The following PTBP2 variants were observed in gnomAD, a reference collection of about 807,000 sequenced individuals.
PTBP2 encodes the protein polypyrimidine tract binding protein 2.
PTBP2 carries 13 observed loss-of-function variants against 61.4 expected under a neutral mutation model. The ratio of observed to expected loss-of-function variants is 0.21; its 90% CI spans 0.14 to 0.34. The LOEUF (loss-of-function observed/expected upper bound fraction) is 0.34, where lower values mean the gene tolerates loss of function less well. PTBP2 is among the 10% of genes least tolerant of loss of function. The pLI, the probability that PTBP2 is intolerant of heterozygous loss-of-function variation, is 1.00. For synonymous variants in PTBP2, 215 were observed against 218.5 expected (o/e 0.98, Z 0.14); for missense variants, 405 against 642.6 (o/e 0.63, Z 4.00).
At chr1:96,788,225 T>A (rs1659415213) in intron 8 of PTBP2, among the ~76,000 whole-genome samples, 1 of 152,120 alleles carries the variant, frequency 6.6e-6, no homozygotes, top group South Asian at 2.1e-4. Flanking sequence ...ATAAAATGCA[T>A]AGTAAGGATA....
chr1:96,782,643 T>G (rs1385651076), intron 7 of PTBP2, among the ~76,000 whole-genome samples: 1 of 152,008 alleles, frequency 6.6e-6, no homozygotes, highest in East Asian at 1.9e-4. Context: ...TTTGTGTTGT[T>G]GATTTTGATA....
At chr1:96,760,652 G>A (rs1174619040) in intron 3 of PTBP2, among the ~76,000 whole-genome samples, 1 of 151,926 alleles carries the variant, frequency 6.6e-6, no homozygotes, top group African/African-American at 2.4e-5. Flanking sequence ...TCGCCATGTT[G>A]GCCAGGATGG....
chr1:96,738,433 C>G (rs1389850069), intron 2 of PTBP2, among the ~76,000 whole-genome samples: 2 of 152,062 alleles, frequency 1.3e-5, no homozygotes, highest in African/African-American at 2.4e-5. Flanking sequence ...GCCACCACAC[C>G]TGGCTAATTT....
In PTBP2 at chr1:96,759,089, T is replaced by C. The variant is rs192237362; in HGVS notation, c.115+7589T>C. On this transcript the variant is annotated intron_variant, in intron 3 of 13. Coordinates refer to ENST00000674951, the MANE Select transcript of PTBP2 (RefSeq NM_021190.4). Reference sequence around the variant, plus strand: ...CAGGAAAAAAATTTGACAAAAGATATGTAAGACATCTACACCAATATGAAA... The same window carrying C: ...CAGGAAAAAAATTTGACAAAAGATACGTAAGACATCTACACCAATATGAAA... Among the ~76,000 whole-genome samples, 50 of 151,598 alleles carry C rather than the reference T, an allele frequency of 3.3e-4. 1 individual carries two copies. In the East Asian group the frequency reaches 5.0e-3, roughly 15 times the overall value.
intron 2 of PTBP2, among the ~76,000 whole-genome samples, chr1:96,747,659 A>G (rs1309754583): frequency 1.3e-5 from 2 of 152,142 alleles, no homozygotes; most frequent in Admixed American, 6.5e-5. Flanking sequence ...GGTGGCATAA[A>G]TAAAAGAGTT....
Position 96,777,738 on chromosome 1 carries a change from G to A in PTBP2, c.586G>A (p.Val196Ile). Residue 196 changes from valine to isoleucine, a missense_variant, in exon 6 of 14, where the codon GTT becomes ATT. By Grantham distance (29) the Val-to-Ile change is conservative. This residue lies in a region of PTBP2 where 342 missense variants were observed against 491.2 expected (regional missense o/e 0.70). Transcript: ENST00000674951. ...CATGTACTACCCTGTAACACTTGAT[G>A]TTCTTCACCAAGTAAGTTTAATCTG... ...DNMYYPVTLD[V>I]LHQIFSKFGA... 1 of 1,598,034 alleles carries A rather than the reference G, an allele frequency of 6.3e-7. No homozygotes were observed. The highest frequency in any genetic ancestry group is 8.5e-7 in the Non-Finnish European group (1 of 1,171,746).
intron 3 of PTBP2, among the ~76,000 whole-genome samples, chr1:96,763,227 G>A (rs1656228459): frequency 2.6e-5 from 4 of 152,114 alleles, no homozygotes; most frequent in South Asian, 2.1e-4. Flanking sequence ...CAAGGCAGGC[G>A]GCTGGGAGGT....
At chr1:96,766,088 T>G (rs961910172) in intron 3 of PTBP2, among the ~76,000 whole-genome samples, 1 of 152,088 alleles carries the variant, frequency 6.6e-6, no homozygotes, top group East Asian at 1.9e-4. Flanking sequence ...AGGAGAAAAG[T>G]GATGTACTGA....
At chr1:96,760,069 C>T (rs932830081) in intron 3 of PTBP2, among the ~76,000 whole-genome samples, 1 of 152,084 alleles carries the variant, frequency 6.6e-6, no homozygotes, top group African/African-American at 2.4e-5. Context: ...TCAGTTAACT[C>T]CCACCAGGTC....
intron 5 of PTBP2, among the ~76,000 whole-genome samples, chr1:96,773,917 C>T (rs184520888): frequency 2.7e-4 from 40 of 149,008 alleles, no homozygotes; most frequent in East Asian, 1.2e-3. Flanking sequence ...GAGCCGAGAT[C>T]GCGCCACTGC....
chr1:96,734,193 C>G (rs1356965589), intron 2 of PTBP2, among the ~76,000 whole-genome samples: 1 of 151,940 alleles, frequency 6.6e-6, no homozygotes, highest in Non-Finnish European at 1.5e-5. Context: ...TCATTCAGTC[C>G]CCAAAACCAT....
At chr1:96,728,045 A>T (rs370462852) in intron 2 of PTBP2, among the ~76,000 whole-genome samples, 1 of 152,090 alleles carries the variant, frequency 6.6e-6, no homozygotes, top group South Asian at 2.1e-4. Flanking sequence ...GCTGGAGTGC[A>T]GTGGTGCAAT....
rs57451223 is a variant in PTBP2 at position 96,761,346 on chromosome 1, A to ATGTGTGTGTGTGTG, written c.116-8327_116-8314dup. On this transcript the variant is annotated intron_variant, in intron 3 of 13. Transcript: ENST00000674951. The stretch of plus-strand genomic sequence containing the variant: ...AGCAGGGGCCTAGATGTGGGATTTG[A>ATGTGTGTGTGTGTG]TGTGTGTGTGTGTGTGTGTGTGTGT... Among the ~76,000 whole-genome samples, 600 of 140,548 alleles carry ATGTGTGTGTGTGTG rather than the reference A, an allele frequency of 4.3e-3. 6 individuals are homozygous for ATGTGTGTGTGTGTG. The highest frequency in any genetic ancestry group is 0.014 in the African/African-American group (545 of 37,942). The allele number at this position is 140,548 out of a possible 152,430, so 92.2% of individuals were successfully genotyped here.
Position 96,813,612 on chromosome 1 carries a change from G to A in PTBP2, c.*207G>A, listed in dbSNP as rs978537140. ...AGTTGTTAACTGCTATATTTCATCT[G>A]TTCTATAGGGAAGCCATTTTGTCTG... On this transcript the variant is annotated 3_prime_UTR_variant, in exon 14 of 14. Transcript: ENST00000674951. 4.6e-5 allele frequency: 14 copies of A among 307,192 alleles called. No homozygotes were observed. Among genetic ancestry groups the A allele is most frequent in the Non-Finnish European group, 7.3e-5 (13 of 177,578 alleles). The allele number at this position is 307,192 out of a possible 1,614,324, so 19.0% of individuals were successfully genotyped here.
At chr1:96,792,028 G>A (rs989163996) in intron 8 of PTBP2, among the ~76,000 whole-genome samples, 1 of 151,616 alleles carries the variant, frequency 6.6e-6, no homozygotes, top group Non-Finnish European at 1.5e-5. Flanking sequence ...TAGTAGAGAC[G>A]GGGTTTTACT....
At chr1:96,747,164 A>G (rs1653952018) in intron 2 of PTBP2, among the ~76,000 whole-genome samples, 3 of 151,734 alleles carry the variant, frequency 2.0e-5, no homozygotes, top group Admixed American at 2.0e-4. Context: ...TGTGGCCACA[A>G]ATTCCCTTTG....
At chr1:96,744,612 A>G (rs1352911780) in intron 2 of PTBP2, among the ~76,000 whole-genome samples, 2 of 152,200 alleles carry the variant, frequency 1.3e-5, no homozygotes, top group Admixed American at 6.5e-5. Context: ...TCATGTATTA[A>G]AAATCATTTG....
chr1:96,783,141 G>A (rs961352226), intron 7 of PTBP2, among the ~76,000 whole-genome samples: 1 of 151,930 alleles, frequency 6.6e-6, no homozygotes, highest in Non-Finnish European at 1.5e-5. Context: ...ACATGAGCTT[G>A]AAGTGAGCTT....
chr1:96,809,733 A>G (rs1193958363), intron 11 of PTBP2, among the ~76,000 whole-genome samples: 1 of 152,138 alleles, frequency 6.6e-6, no homozygotes, highest in Non-Finnish European at 1.5e-5. Context: ...TTGCCCAGAC[A>G]GAAGTTATTT....
Sources: allele counts gnomAD v4.1 joint callset (sites outside exome capture counted in the v4.1 genomes callset), GRCh38; gene constraint gnomAD v4.1.1; regional missense constraint gnomAD v4.1.1; transcripts MANE v1.5; gene names NCBI Gene and HGNC (gene_info 2026-07-23, HGNC 2026-07-21).